Variants in ADAMTS19 observed in about 807,000 individuals in gnomAD.
The protein encoded by ADAMTS19 is A disintegrin and metalloproteinase with thrombospondin motifs 19.
In ADAMTS19, 93 loss-of-function variants were observed where a neutral mutation model predicts 153.3. The ratio of observed to expected loss-of-function variants is 0.61; its 90% confidence interval spans 0.51 to 0.72. ADAMTS19 has a LOEUF of 0.72. ADAMTS19 is among the 30% of genes least tolerant of loss of function. The pLI, the probability that ADAMTS19 is intolerant of heterozygous loss-of-function variation, is 0.00. For missense variants in ADAMTS19, 1,482 were observed against 1,552.1 expected (o/e 0.95, Z 0.76); for synonymous variants, 600 against 556.6 (o/e 1.08, Z -1.10).
At chr5:129,612,395 T>C (rs187716396) in intron 8 of ADAMTS19, among the ~76,000 whole-genome samples, 5 of 151,992 alleles carry the variant, frequency 3.3e-5, no homozygotes, top group Admixed American at 2.0e-4. Context: ...TTAGGTTGCT[T>C]AAAGAAAAGA....
At chr5:129,673,910 T>C (rs1371896744) in intron 16 of ADAMTS19, among the ~76,000 whole-genome samples, 1 of 152,210 alleles carries the variant, frequency 6.6e-6, no homozygotes, top group Non-Finnish European at 1.5e-5. Flanking sequence ...AAAATATTTC[T>C]TGCCCTTGTC....
At chr5:129,607,804 T>G (rs542818715) in intron 8 of ADAMTS19, among the ~76,000 whole-genome samples, 49 of 151,926 alleles carry the variant, frequency 3.2e-4, no homozygotes, top group African/African-American at 1.1e-3. Context: ...ATTGTAGTAA[T>G]AGGAATATTT....
intron 22 of ADAMTS19, among the ~76,000 whole-genome samples, chr5:129,735,912 C>T (rs148175881): frequency 2.2e-4 from 33 of 152,060 alleles, no homozygotes; most frequent in African/African-American, 7.7e-4. Flanking sequence ...TGCATATAAT[C>T]TCCAGGGGAA....
Position 129,641,819 on chromosome 5 carries a change from G to T in ADAMTS19, c.1771-40G>T, listed in dbSNP as rs150592382. The T allele has an allele frequency of 5.9e-4, 786 of 1,340,966 alleles. No homozygotes were observed. In the African/African-American group the frequency reaches 9.4e-3, roughly 16 times the overall value. 83.1% of individuals were successfully genotyped at this position (1,340,966 alleles called of 1,614,324 possible). ...TGATTGGCTTCACTTAAAAAAATGT[G>T]ATACCTTCCCCTTATTAGTTATTGT... On this transcript the variant is annotated intron_variant, in intron 10 of 22. Coordinates refer to ENST00000274487, the MANE Select transcript of ADAMTS19 (RefSeq NM_133638.6).
chr5:129,528,422 T>G, intron 5 of ADAMTS19, 98 bp from the exon 6 acceptor site: 1 of 958,642 alleles, frequency 1.0e-6, no homozygotes, highest in Admixed American at 3.2e-5. Context: ...GCAGTTTGCT[T>G]TAGTAATTCA....
intron 2 of ADAMTS19, among the ~76,000 whole-genome samples, chr5:129,506,633 A>G (rs543856211): frequency 6.6e-6 from 1 of 152,118 alleles, no homozygotes; most frequent in South Asian, 2.1e-4. Context: ...CAAAACAACA[A>G]TATAATTTAT....
intron 21 of ADAMTS19, among the ~76,000 whole-genome samples, chr5:129,706,966 A>G (rs1756188015): frequency 6.6e-6 from 1 of 152,202 alleles, no homozygotes. Flanking sequence ...TTGTGGTGTT[A>G]CTGTATGGCT....
intron 4 of ADAMTS19, among the ~76,000 whole-genome samples, 194 bp from the exon 5 acceptor site, chr5:129,527,554 A>G (rs1752055022): frequency 6.6e-6 from 1 of 150,568 alleles, no homozygotes; most frequent in African/African-American, 2.4e-5. Context: ...TACAAGTTAA[A>G]TCAATACTAA....
rs568044535 is a variant in ADAMTS19 at position 129,523,010 on chromosome 5, G to A, written c.914-3274G>A. ...GCAGAGGTTGAAGTGAGCGGAGATC[G>A]CGACACTGCGCTCCAGCCTGGGCGG... On this transcript the variant is annotated intron_variant, in intron 3 of 22. Coordinates refer to ENST00000274487, the MANE Select transcript of ADAMTS19 (RefSeq NM_133638.6). Among the ~76,000 whole-genome samples, 309 of 150,806 alleles carry A rather than the reference G, an allele frequency of 2.0e-3. 1 individual carries two copies. Among genetic ancestry groups the A allele is most frequent in the African/African-American group, 7.1e-3 (290 of 40,892 alleles).
intron 2 of ADAMTS19, among the ~76,000 whole-genome samples, chr5:129,502,758 A>G (rs1336062154): frequency 6.6e-6 from 1 of 152,196 alleles, no homozygotes; most frequent in African/African-American, 2.4e-5. Context: ...ATTTTCTGTT[A>G]TCTCAAGAAG....
At chr5:129,518,681 A>T (rs1405952047) in intron 3 of ADAMTS19, among the ~76,000 whole-genome samples, 1 of 152,072 alleles carries the variant, frequency 6.6e-6, no homozygotes, top group Admixed American at 6.5e-5. Flanking sequence ...TTTGAATTAA[A>T]TCTGCTTGGT....
chr5:129,597,497 T>C lies in ADAMTS19; in HGVS notation c.1478+833T>C, dbSNP rs374937570. 2.6e-5 allele frequency among the ~76,000 whole-genome samples: 4 copies of C among 152,320 alleles called. No individual in the cohort carries two copies. The East Asian group carries it at 7.7e-4, about 29-fold the overall frequency. ...GGTCAAACTGTTCCATTAAGTTATC[T>C]GTTATCTTCTGGCCTAGATTCCTCG... On this transcript the variant is annotated intron_variant, in intron 8 of 22. Transcript: ENST00000274487.
chr5:129,626,855 A>C (rs2126991195), intron 10 of ADAMTS19, among the ~76,000 whole-genome samples: 1 of 152,240 alleles, frequency 6.6e-6, no homozygotes, highest in East Asian at 1.9e-4. Flanking sequence ...AAGAAATATA[A>C]ACTCAGGTAA....
rs988719640 is a variant in ADAMTS19, at chr5:129,461,130, G to A, written c.120G>A (p.Glu40=). ...SELQFAPDRE[E]WEVVFPALWR... ...TGCAGTTCGCCCCCGACCGCGAGGAGTGGGAAGTCGTGTTTCCTGCGCTCT... is the reference window on the plus strand; with the variant it reads ...TGCAGTTCGCCCCCGACCGCGAGGAATGGGAAGTCGTGTTTCCTGCGCTCT... Residue 40 remains glutamate, a synonymous_variant, in exon 2 of 23, where the codon GAG becomes GAA. Transcript: ENST00000274487. The surrounding 1 kb of genome is among the most constrained non-coding windows in gnomAD (Gnocchi z 4.6). The A allele has an allele frequency of 1.1e-5, 15 of 1,422,096 alleles. 1 individual carries two copies. Among genetic ancestry groups the A allele is most frequent in the Admixed American group, 5.3e-5 (2 of 37,574 alleles). 88.1% of individuals were successfully genotyped at this position (1,422,096 alleles called of 1,614,324 possible).
At chr5:129,548,706 G>T (rs1470894865) in intron 6 of ADAMTS19, among the ~76,000 whole-genome samples, 2 of 151,818 alleles carry the variant, frequency 1.3e-5, no homozygotes, top group African/African-American at 2.4e-5. Flanking sequence ...AAATCATGCT[G>T]CTATAAAGAC....
intron 8 of ADAMTS19, among the ~76,000 whole-genome samples, chr5:129,617,073 A>G (rs1352531421): frequency 1.3e-5 from 2 of 152,050 alleles, no homozygotes; most frequent in Non-Finnish European, 2.9e-5. Context: ...ATTAAGTGAT[A>G]TCATTGTCAG....
intron 3 of ADAMTS19, among the ~76,000 whole-genome samples, chr5:129,524,855 A>G (rs573924675): frequency 2.0e-5 from 3 of 151,754 alleles, no homozygotes; most frequent in African/African-American, 7.3e-5. Flanking sequence ...TAAGATATTC[A>G]CTGAGTTGGT....
At chr5:129,645,885 A>ATTTTTTTTTTTTTTTTTTT (rs529444004) in intron 11 of ADAMTS19, among the ~76,000 whole-genome samples, 1,780 of 96,874 alleles carry the variant, frequency 0.018, 114 homozygotes, top group Non-Finnish European at 0.027. Context: ...TCCTTTTCCA[A>ATTTTTTTTTTTTTTTTTTT]TTTTTTTTTT....
chr5:129,527,466 C>T (rs1752052373), intron 4 of ADAMTS19, among the ~76,000 whole-genome samples: 1 of 150,678 alleles, frequency 6.6e-6, no homozygotes, highest in Non-Finnish European at 1.5e-5. Flanking sequence ...TAGATTAACA[C>T]TGCCTAACAA....
Sources: allele counts gnomAD v4.1 joint callset (sites outside exome capture counted in the v4.1 genomes callset), GRCh38; gene constraint gnomAD v4.1.1; non-coding constraint Gnocchi (gnomAD v3.1); transcripts MANE v1.5; gene names NCBI Gene and HGNC (gene_info 2026-07-23, HGNC 2026-07-21).